The following DNAH12 variants were observed in gnomAD, a reference collection of about 807,000 sequenced individuals.
DNAH12 encodes the protein axonemal beta dynein heavy chain 12.
Under a neutral mutation model 371.5 loss-of-function variants are expected in DNAH12, and 285 were observed. The observed-to-expected ratio is 0.77, with a 90% CI of 0.70 to 0.85. The LOEUF is 0.85. Ranked by LOEUF, DNAH12 falls within the 40% of genes least tolerant of loss-of-function variation. DNAH12 has a pLI of 0.00. For missense variants in DNAH12, 3,611 were observed against 3,689.4 expected (o/e 0.98, Z 0.55); for synonymous variants, 1,200 against 1,213.0 (o/e 0.99, Z 0.22).
chr3:57,334,747 C>T, intron 61 of DNAH12, 35 bp downstream of exon 61: 1 of 1,528,262 alleles, frequency 6.5e-7, no homozygotes, highest in Non-Finnish European at 8.8e-7. Flanking sequence ...TACATATTGC[C>T]ATTCAATGAT....
chr3:57,420,865 C>T (rs182026256), intron 36 of DNAH12, among the ~76,000 whole-genome samples: 165 of 143,592 alleles, frequency 1.1e-3, no homozygotes, highest in African/African-American at 4.0e-3. Context: ...GCCGAGATTG[C>T]GCCACCGCAC....
chr3:57,302,712 A>AT (rs2061387054), intron 69 of DNAH12, among the ~76,000 whole-genome samples: 1 of 148,734 alleles, frequency 6.7e-6, no homozygotes, highest in Non-Finnish European at 1.5e-5. Context: ...CGTAACTGAG[A>AT]TTGCAGGCAT....
chr3:57,446,738 A>C (rs1162079987), intron 25 of DNAH12, 49 bp from the exon 26 acceptor site: 5 of 1,399,074 alleles, frequency 3.6e-6, no homozygotes, highest in Non-Finnish European at 4.7e-6. Context: ...AAATTTAAAA[A>C]AACAACAGAC....
At position 57,323,011 on chromosome 3, in the gene DNAH12, G is replaced by A. The variant is rs2061842896; in HGVS notation, c.10379C>T (p.Ser3460Leu). ...FRLWLTSYPSSKFPVTILQNG... is the reference protein window; with the variant it reads ...FRLWLTSYPSLKFPVTILQNG... ...TCTATAAGGAAATAAACATACTTTT[G>A]AAGATGGATAGCTTGTCAGCCAAAG... Residue 3460 changes from serine (S) to leucine (L), a missense_variant, in exon 64 of 74, where the codon TCA becomes TTA. Physicochemically the swap from Ser to Leu is moderately radical, Grantham distance 145 (BLOSUM62 -2). Around this residue, in one of 3 missense-constraint regions of DNAH12, gnomAD observed 2,266 missense variants for 2,236.9 expected, o/e 1.01. Coordinates refer to ENST00000495027, the MANE Select transcript of DNAH12 (RefSeq NM_001366028.2). The A allele has an allele frequency of 6.4e-7, 1 of 1,551,686 alleles. No homozygotes were observed. The highest frequency in any genetic ancestry group is 8.7e-7 in the Non-Finnish European group (1 of 1,147,006).
intron 29 of DNAH12, among the ~76,000 whole-genome samples, chr3:57,437,587 G>A (rs1345240634): frequency 2.0e-5 from 3 of 152,172 alleles, no homozygotes; most frequent in East Asian, 1.9e-4. Flanking sequence ...GGTGGATATC[G>A]GATTGGGCCT....
At chr3:57,422,482 C>A (rs1159969261) in intron 35 of DNAH12, among the ~76,000 whole-genome samples, 1 of 152,084 alleles carries the variant, frequency 6.6e-6, no homozygotes, top group African/African-American at 2.4e-5. Flanking sequence ...GTGTGAGACA[C>A]CGCGCCCGGC....
chr3:57,317,879 C>T (rs2061720833), intron 65 of DNAH12, among the ~76,000 whole-genome samples: 1 of 152,046 alleles, frequency 6.6e-6, no homozygotes, highest in South Asian at 2.1e-4. Context: ...GAGATGATAT[C>T]TCATTGTGGT....
chr3:57,323,080 A>G lies in DNAH12; in HGVS notation c.10310T>C (p.Ile3437Thr), dbSNP rs1234476397. 6.4e-7 allele frequency: 1 copy of G among 1,552,348 alleles called. No individual in the cohort carries two copies. The highest frequency in any genetic ancestry group is 2.0e-5 in the Admixed American group (1 of 51,000). The stretch of plus-strand genomic sequence containing the variant: ...GGTTTCAGAGGTAAAATCTTCACAT[A>G]TTTTTTCCAACATGGGCATCCAGGA... ...AVSWMPMLEK[I>T]CEDFTSETCN... The change falls in exon 64 of 74, where the codon ATA (isoleucine) becomes ACA (threonine). Residue 3437 changes from isoleucine to threonine, a missense_variant. Physicochemically the swap from Ile to Thr is moderately conservative, Grantham distance 89 (BLOSUM62 -1). Around this residue, in one of 3 missense-constraint regions of DNAH12, gnomAD observed 2,266 missense variants for 2,236.9 expected, o/e 1.01. Coordinates refer to ENST00000495027, the MANE Select transcript of DNAH12 (RefSeq NM_001366028.2).
chr3:57,309,243 A>G lies in DNAH12; in HGVS notation c.11097T>C (p.Asp3699=). 6.5e-7 allele frequency: 1 copy of G among 1,547,026 alleles called. No individual in the cohort carries two copies. The highest frequency in any genetic ancestry group is 8.7e-7 in the Non-Finnish European group (1 of 1,145,848). Residue 3699 remains aspartate (D), a synonymous_variant, in exon 69 of 74, where the codon GAT becomes GAC. Coordinates refer to ENST00000495027, the MANE Select transcript of DNAH12 (RefSeq NM_001366028.2). ...TKDILNKLPS[D]FDIEMALRKY... ...TCCGTAGTGCCATTTCAATGTCGAAATCACTAGGGAGCTAAAAGAATAGAT... is the reference window on the plus strand; with the variant it reads ...TCCGTAGTGCCATTTCAATGTCGAAGTCACTAGGGAGCTAAAAGAATAGAT...
intron 45 of DNAH12, among the ~76,000 whole-genome samples, chr3:57,388,299 T>G (rs2063536516): frequency 6.6e-6 from 1 of 152,238 alleles, no homozygotes; most frequent in Non-Finnish European, 1.5e-5. Context: ...TTACTCTGTC[T>G]TTTATACTGA....
intron 19 of DNAH12, among the ~76,000 whole-genome samples, chr3:57,460,285 C>T (rs1559685147): frequency 6.6e-6 from 1 of 152,062 alleles, no homozygotes; most frequent in Non-Finnish European, 1.5e-5. Context: ...AAAATATCAA[C>T]AGTGACAGGT....
At chr3:57,360,145 G>A (rs2062891934) in intron 58 of DNAH12, among the ~76,000 whole-genome samples, 1 of 152,100 alleles carries the variant, frequency 6.6e-6, no homozygotes, top group South Asian at 2.1e-4. Flanking sequence ...GAGGGAACAA[G>A]TAGCAGCTTG....
chr3:57,483,709 G>A (rs971036513), intron 12 of DNAH12, among the ~76,000 whole-genome samples, 198 bp from the exon 13 acceptor site: 1 of 151,818 alleles, frequency 6.6e-6, no homozygotes, highest in African/African-American at 2.4e-5. Flanking sequence ...ACTTTGAAAG[G>A]CCAAGGCAGG....
chr3:57,376,274 G>C (rs896343052), intron 53 of DNAH12, among the ~76,000 whole-genome samples: 2 of 150,746 alleles, frequency 1.3e-5, no homozygotes, highest in African/African-American at 2.4e-5. Context: ...ATTTTCTCTT[G>C]GATGATTTGG....
chr3:57,532,660 T>G (rs1404537278), intron 2 of DNAH12, among the ~76,000 whole-genome samples: 1 of 152,190 alleles, frequency 6.6e-6, no homozygotes, highest in Non-Finnish European at 1.5e-5. Flanking sequence ...TCTTGGTTTT[T>G]TTCCCCTTAC....
chr3:57,298,211 AC>A (rs1452977579), intron 70 of DNAH12, among the ~76,000 whole-genome samples: 2 of 152,088 alleles, frequency 1.3e-5, no homozygotes, highest in Non-Finnish European at 2.9e-5. Context: ...TAGGCTGGTG[AC>A]TCACACCTGG....
At chr3:57,396,290 CAA>C (rs1159748997) in intron 43 of DNAH12, among the ~76,000 whole-genome samples, 4 of 68,756 alleles carry the variant, frequency 5.8e-5, no homozygotes, top group South Asian at 4.3e-4. Context: ...AAAAAAAAAA[CAA>C]AAAAAAAAAA....
At chr3:57,446,515 A>T in intron 26 of DNAH12, 22 bp downstream of exon 26, 4 of 1,513,482 alleles carry the variant, frequency 2.6e-6, no homozygotes, top group Non-Finnish European at 3.5e-6. Flanking sequence ...ATTTAATATT[A>T]TTGATTCAGC....
intron 57 of DNAH12, among the ~76,000 whole-genome samples, chr3:57,364,910 A>G (rs999565446): frequency 4.5e-4 from 68 of 152,362 alleles, no homozygotes; most frequent in African/African-American, 1.0e-3. Flanking sequence ...CAAAACCACA[A>G]TGAGATACCA....
Sources: gnomAD v4.1 joint callset for allele counts (sites outside exome capture counted in the v4.1 genomes callset) on GRCh38, gnomAD v4.1.1 for gene constraint, gnomAD v4.1.1 regional missense constraint, MANE v1.5 for transcripts, NCBI Gene and HGNC (gene_info 2026-07-23, HGNC 2026-07-21) for gene names.